The following DENND2B variants were observed in gnomAD, a reference collection of about 807,000 sequenced individuals.
DENND2B encodes DENN domain containing 2B, also known as DENN domain-containing protein 2B.
A neutral mutation model predicts 116.0 loss-of-function variants in DENND2B; 32 were observed. That is an observed-to-expected ratio of 0.28 (90% CI 0.21 to 0.37). The LOEUF is 0.37. Ranked by LOEUF, DENND2B falls within the 10% of genes least tolerant of loss-of-function variation. The pLI, the probability that DENND2B is intolerant of heterozygous loss-of-function variation, is 1.00. For missense variants in DENND2B, 1,276 were observed against 1,477.7 expected (o/e 0.86, Z 2.24); for synonymous variants, 588 against 583.9 (o/e 1.01, Z -0.10).
chr11:8,743,858 C>T (rs1370096347), intron 2 of DENND2B, among the ~76,000 whole-genome samples: 4 of 151,738 alleles, frequency 2.6e-5, no homozygotes, highest in Admixed American at 1.3e-4. Context: ...GCGATCCTCC[C>T]ACCTCAGCCT....
intron 1 of DENND2B, chr11:8,809,003 C>G (rs1333502090): frequency 6.6e-6 from 1 of 152,202 alleles, no homozygotes; most frequent in Non-Finnish European, 1.5e-5. Context: ...ACTACACACA[C>G]AAGTAGAAAA....
At chr11:8,870,725 G>T (rs2134708855) in intron 2 of DENND2B, 1 of 152,370 alleles carries the variant, frequency 6.6e-6, no homozygotes, top group African/African-American at 2.4e-5. Context: ...CCAACCGCGC[G>T]GCCCCCGCCG....
chr11:8,905,881 C>T (rs2064229639), intron 1 of DENND2B, among the ~76,000 whole-genome samples: 1 of 151,590 alleles, frequency 6.6e-6, no homozygotes, highest in Admixed American at 6.6e-5. Flanking sequence ...CATGTGTGAG[C>T]CTCAAAAACA....
At chr11:8,837,641 C>T (rs904600986) in intron 4 of DENND2B, among the ~76,000 whole-genome samples, 1 of 152,198 alleles carries the variant, frequency 6.6e-6, no homozygotes, top group Non-Finnish European at 1.5e-5. Flanking sequence ...TCACCACATC[C>T]AGCCGTTTCC....
chr11:8,849,127 C>A (rs543999686), intron 3 of DENND2B, among the ~76,000 whole-genome samples: 2 of 152,212 alleles, frequency 1.3e-5, no homozygotes, highest in East Asian at 3.9e-4. Context: ...AAGGGTTGCA[C>A]CATTCTGCAA....
Position 8,730,477 on chromosome 11 carries a change from C to T in DENND2B, c.813G>A (p.Gly271=). ...GRSEPSAFLR[G]HGSRKESSAV... ...CTGAGCTCTCCTTCCTGCTGCCATG[C>T]CCCCTGAGGAAGGCGCTGGGCTCAC... The change falls in exon 3 of 20, where the codon GGG becomes GGA. Residue 271 remains glycine, a synonymous_variant. Transcript: ENST00000313726. This position sits in a 1 kb window ranked among gnomAD's most constrained non-coding sequence, Gnocchi z 4.1. 6.2e-7 allele frequency: 1 copy of T among 1,611,926 alleles called. No homozygotes were observed.
At chr11:8,722,949 C>T (rs1298292389) in intron 4 of DENND2B, among the ~76,000 whole-genome samples, 1 of 152,154 alleles carries the variant, frequency 6.6e-6, no homozygotes, top group Non-Finnish European at 1.5e-5. Flanking sequence ...GCCCACACAG[C>T]GCTGACCCCT....
At chr11:8,893,487 G>A (rs2064059511) in intron 1 of DENND2B, among the ~76,000 whole-genome samples, 1 of 152,126 alleles carries the variant, frequency 6.6e-6, no homozygotes, top group Admixed American at 6.6e-5. Context: ...ATGATTGTAT[G>A]TTTAGAAAAC....
Position 8,856,752 on chromosome 11 carries a change from CT to C in DENND2B, c.-156+590del, listed in dbSNP as rs397961269. Among the ~76,000 whole-genome samples, 940 of 143,394 alleles carry C rather than the reference CT, an allele frequency of 6.6e-3. 11 individuals carry two copies. Among genetic ancestry groups the C allele is most frequent in the African/African-American group, 0.021 (829 of 39,066 alleles). The allele number at this position is 143,394 out of a possible 152,430, so 94.1% of individuals were successfully genotyped here. On this transcript the variant is annotated intron_variant, in intron 3 of 6. Transcript: ENST00000524757. ...TCTCTCCTCACTCTATCACTATTTT[CT>C]TTTTTTTTTTTTTCTTTCTTCAGAC...
At chr11:8,896,738 A>G (rs2064106809) in intron 1 of DENND2B, among the ~76,000 whole-genome samples, 1 of 152,266 alleles carries the variant, frequency 6.6e-6, no homozygotes, top group Admixed American at 6.5e-5. Flanking sequence ...GCTTTGTGTT[A>G]GATGATTTTG....
At chr11:8,881,947 C>T (rs747935559) in intron 1 of DENND2B, among the ~76,000 whole-genome samples, 1 of 152,146 alleles carries the variant, frequency 6.6e-6, no homozygotes, top group East Asian at 1.9e-4. Context: ...TATGACCACT[C>T]TTTTTCACTG....
intron 3 of DENND2B, among the ~76,000 whole-genome samples, chr11:8,840,576 G>A (rs2062590287): frequency 6.6e-6 from 1 of 152,002 alleles, no homozygotes; most frequent in Non-Finnish European, 1.5e-5. Flanking sequence ...TCTCTTTTTG[G>A]AGAACCAAAC....
chr11:8,701,633 T>C (rs1365354734), intron 14 of DENND2B, among the ~76,000 whole-genome samples: 1 of 152,070 alleles, frequency 6.6e-6, no homozygotes, highest in African/African-American at 2.4e-5. Flanking sequence ...CCAAAAACCC[T>C]AGTGTTCCTG....
chr11:8,704,302 A>G (rs1008717423), intron 13 of DENND2B, among the ~76,000 whole-genome samples: 3 of 152,204 alleles, frequency 2.0e-5, no homozygotes, highest in Admixed American at 1.3e-4. Context: ...CTCAGAGCAC[A>G]AGGTACTTGA....
upstream of DENND2B, chr11:8,811,269 G>C: frequency 2.5e-6 from 1 of 398,678 alleles, no homozygotes; most frequent in Non-Finnish European, 4.4e-6. Context: ...CCAGGTTGTG[G>C]CGATGGCTTT....
At chr11:8,826,701 ATCT>A (rs1239501075) in intron 4 of DENND2B, among the ~76,000 whole-genome samples, 1 of 152,198 alleles carries the variant, frequency 6.6e-6, no homozygotes. Flanking sequence ...TTTTTAAACT[ATCT>A]TCTTTTTCCC....
intron 1 of DENND2B, among the ~76,000 whole-genome samples, chr11:8,797,565 A>G (rs940125955): frequency 1.5e-5 from 2 of 134,144 alleles, no homozygotes; most frequent in Non-Finnish European, 3.0e-5. Flanking sequence ...CTCTTCTCTG[A>G]GACAGAGTCT....
chr11:8,806,122 C>T (rs1261352520), intron 1 of DENND2B, among the ~76,000 whole-genome samples: 1 of 152,206 alleles, frequency 6.6e-6, no homozygotes, highest in African/African-American at 2.4e-5. Context: ...CGCCCAGGGC[C>T]CCTTGCCCAG....
chr11:8,758,557 A>C (rs1367630379), intron 1 of DENND2B, among the ~76,000 whole-genome samples: 1 of 152,184 alleles, frequency 6.6e-6, no homozygotes, highest in African/African-American at 2.4e-5. Flanking sequence ...AACATGTCTC[A>C]CTTGGCCTTC....
Sources: allele counts gnomAD v4.1 joint callset (sites outside exome capture counted in the v4.1 genomes callset), GRCh38; gene constraint gnomAD v4.1.1; non-coding constraint Gnocchi (gnomAD v3.1); transcripts MANE v1.5; gene names NCBI Gene and HGNC (gene_info 2026-07-23, HGNC 2026-07-21).